Variants in TUSC3 observed in about 807,000 individuals in gnomAD.
TUSC3 encodes the protein tumor suppressor candidate 3.
In TUSC3, 45 loss-of-function variants were observed where a neutral mutation model predicts 44.8. The ratio of observed to expected loss-of-function variants is 1.00; its 90% CI spans 0.79 to 1.29. The LOEUF (loss-of-function observed/expected upper bound fraction) is 1.29. Among genes scored for constraint, TUSC3 ranks in the 50% most tolerant of loss-of-function variants. The probability of loss-of-function intolerance (pLI) is 0.00; values close to 1 mark genes in which losing one functional copy is unlikely to be tolerated. For synonymous variants in TUSC3, 212 were observed against 152.9 expected (o/e 1.39, Z -2.85); for missense variants, 519 against 437.9 (o/e 1.19, Z -1.65).
the TUSC3 span, among the ~76,000 whole-genome samples, chr8:15,793,664 C>T: frequency 6.6e-6 from 1 of 152,154 alleles, no homozygotes; most frequent in African/African-American, 2.4e-5. Flanking sequence ...CTCCTACACC[C>T]TACTAGAATA....
intron 1 of TUSC3, among the ~76,000 whole-genome samples, chr8:15,425,127 T>C (rs1003905939): frequency 3.3e-5 from 5 of 152,100 alleles, no homozygotes; most frequent in African/African-American, 1.2e-4. Flanking sequence ...AAAGGAAAAG[T>C]GTGATTACAA....
At chr8:15,720,548 G>C (rs906171798) in intron 6 of TUSC3, among the ~76,000 whole-genome samples, 3 of 152,018 alleles carry the variant, frequency 2.0e-5, no homozygotes, top group African/African-American at 7.2e-5. Context: ...TTTCACATCA[G>C]ATGTCAAGAT....
intron 1 of TUSC3, among the ~76,000 whole-genome samples, chr8:15,589,510 A>C (rs182539347): frequency 6.6e-6 from 1 of 152,334 alleles, no homozygotes; most frequent in East Asian, 1.9e-4. Flanking sequence ...ACATGAGGTT[A>C]ATAGTAGCTA....
intron 2 of TUSC3, among the ~76,000 whole-genome samples, chr8:15,510,691 G>C (rs899436498): frequency 1.3e-5 from 2 of 152,014 alleles, no homozygotes; most frequent in African/African-American, 4.8e-5. Context: ...TACACAAACT[G>C]TTCCTGAAAA....
intron 1 of TUSC3, among the ~76,000 whole-genome samples, chr8:15,572,085 G>T (rs1802900231): frequency 6.6e-6 from 1 of 152,146 alleles, no homozygotes; most frequent in Non-Finnish European, 1.5e-5. Context: ...CCTACCAAGA[G>T]ATTCAGCCTG....
intron 1 of TUSC3, among the ~76,000 whole-genome samples, chr8:15,541,821 A>G (rs539817083): frequency 1.3e-5 from 2 of 151,848 alleles, no homozygotes; most frequent in South Asian, 4.2e-4. Context: ...AGAAAGGTAG[A>G]AGAGTGAAGA....
intron 1 of TUSC3, among the ~76,000 whole-genome samples, chr8:15,458,446 G>A (rs1020612191): frequency 3.3e-5 from 5 of 151,948 alleles, no homozygotes; most frequent in African/African-American, 7.3e-5. Flanking sequence ...ACCATGTTGC[G>A]CAGGCTGGTC....
intron 5 of TUSC3, among the ~76,000 whole-genome samples, chr8:15,662,955 A>G (rs1049189975): frequency 6.6e-6 from 1 of 151,948 alleles, no homozygotes; most frequent in Non-Finnish European, 1.5e-5. Context: ...AGTATTCAAC[A>G]TAAGTGAAGC....
chr8:15,635,611 G>C (rs1806030476), intron 2 of TUSC3, among the ~76,000 whole-genome samples: 1 of 152,198 alleles, frequency 6.6e-6, no homozygotes, highest in East Asian at 1.9e-4. Context: ...CTCACAGTGA[G>C]AGTCGTAATA....
chr8:15,442,165 T>A (rs1381722525), intron 1 of TUSC3, among the ~76,000 whole-genome samples: 1 of 152,114 alleles, frequency 6.6e-6, no homozygotes, highest in Non-Finnish European at 1.5e-5. Context: ...TCTTATTACT[T>A]CTTTGTCAAA....
chr8:15,581,423 T>C (rs1803327792), intron 1 of TUSC3, among the ~76,000 whole-genome samples: 1 of 149,550 alleles, frequency 6.7e-6, no homozygotes, highest in African/African-American at 2.5e-5. Flanking sequence ...GTTTTTCAGT[T>C]CTGTTTTTTC....
At chr8:15,656,856 C>G (rs1039014145) in intron 3 of TUSC3, among the ~76,000 whole-genome samples, 3 of 152,142 alleles carry the variant, frequency 2.0e-5, no homozygotes, top group Admixed American at 6.5e-5. Flanking sequence ...TCAGCTCTTA[C>G]ATTCTGGGCA....
the TUSC3 span, among the ~76,000 whole-genome samples, chr8:15,802,897 T>TA: frequency 4.6e-5 from 7 of 152,112 alleles, no homozygotes; most frequent in African/African-American, 1.4e-4. Context: ...AAAGTTTTCT[T>TA]AAAAAAATCA....
chr8:15,627,240 C>T (rs74622524), intron 2 of TUSC3, among the ~76,000 whole-genome samples: 2 of 152,194 alleles, frequency 1.3e-5, no homozygotes, highest in African/African-American at 2.4e-5. Context: ...GCTGCTCTTT[C>T]TGCTGAGAGC....
chr8:15,480,980 G>C (rs1485585502), intron 1 of TUSC3, among the ~76,000 whole-genome samples: 1 of 152,096 alleles, frequency 6.6e-6, no homozygotes, highest in Non-Finnish European at 1.5e-5. Flanking sequence ...AGGCAAGGTG[G>C]CTCACGCCTG....
rs1807458708 is a variant in TUSC3, at chr8:15,662,309, A to G, written c.708+13A>G. The G allele has an allele frequency of 1.2e-6, 2 of 1,612,386 alleles. No individual in the cohort carries two copies. Among genetic ancestry groups the G allele is most frequent in the Non-Finnish European group, 1.7e-6 (2 of 1,178,738 alleles). On this transcript the variant is annotated intron_variant, in intron 5 of 10. Coordinates refer to ENST00000503731, the MANE Select transcript of TUSC3 (RefSeq NM_006765.4). The stretch of plus-strand genomic sequence containing the variant: ...CATGGTGTCTCTGGTATGTTAATAC[A>G]TTGTGCTTTTTTTATTTCCTGTTCT...
chr8:15,571,278 T>G (rs1372671268), intron 1 of TUSC3, among the ~76,000 whole-genome samples: 1 of 152,054 alleles, frequency 6.6e-6, no homozygotes, highest in East Asian at 1.9e-4. Context: ...TTAATGAAAT[T>G]GTTTTATACT....
the TUSC3 span, among the ~76,000 whole-genome samples, chr8:15,803,625 A>G: frequency 6.6e-6 from 1 of 152,178 alleles, no homozygotes; most frequent in Admixed American, 6.5e-5. Flanking sequence ...TACACCTGCC[A>G]TGGTGGTTTG....
At chr8:15,677,394 G>A (rs1404058355) in intron 6 of TUSC3, among the ~76,000 whole-genome samples, 1 of 152,178 alleles carries the variant, frequency 6.6e-6, no homozygotes, top group African/African-American at 2.4e-5. Flanking sequence ...AGAAAGTAAA[G>A]ACTCTGGCTC....
Sources: allele counts gnomAD v4.1 joint callset (sites outside exome capture counted in the v4.1 genomes callset), GRCh38; gene constraint gnomAD v4.1.1; transcripts MANE v1.5; gene names NCBI Gene and HGNC (gene_info 2026-07-23, HGNC 2026-07-21).